The following USP15 variants were observed in gnomAD, a reference collection of about 807,000 sequenced individuals.
The protein encoded by USP15 is ubiquitin carboxyl-terminal hydrolase 15.
In USP15, 18 loss-of-function variants were observed where a neutral mutation model predicts 127.1. The observed-to-expected ratio is 0.14, with a 90% confidence interval of 0.10 to 0.21. USP15 has a LOEUF of 0.21. Ranked by LOEUF, USP15 falls within the 10% of genes least tolerant of loss-of-function variation. USP15 has a pLI of 1.00. For synonymous variants in USP15, 364 were observed against 393.7 expected (o/e 0.92, Z 0.89); for missense variants, 805 against 1,159.9 (o/e 0.69, Z 4.44).
At chr12:62,385,045 A>G (rs1055221042) in intron 11 of USP15, among the ~76,000 whole-genome samples, 1 of 151,894 alleles carries the variant, frequency 6.6e-6, no homozygotes, top group Non-Finnish European at 1.5e-5. Context: ...CCTAAATTCT[A>G]ACACTTAACT....
At chr12:62,388,117 A>ATTTTTTTTTTTTTTTTTTTTTTTT (rs58192089) in intron 11 of USP15, among the ~76,000 whole-genome samples, 5 of 106,586 alleles carry the variant, frequency 4.7e-5, no homozygotes, top group Non-Finnish European at 5.4e-5. Context: ...AATGGTGAAG[A>ATTTTTTTTTTTTTTTTTTTTTTTT]TTTTTTTTTT....
At chr12:62,389,084 C>CT (rs2067245521) in intron 11 of USP15, among the ~76,000 whole-genome samples, 1 of 150,388 alleles carries the variant, frequency 6.6e-6, no homozygotes, top group Non-Finnish European at 1.5e-5. Context: ...AAGATCATGC[C>CT]ACTGCACTCC....
chr12:62,376,694 A>G (rs1010232398), intron 8 of USP15, among the ~76,000 whole-genome samples: 4 of 152,158 alleles, frequency 2.6e-5, no homozygotes, highest in Admixed American at 6.5e-5. Context: ...ATATATTCTC[A>G]GTTTTTATTA....
rs2067829324 is a variant in USP15 at position 62,405,262 on chromosome 12, A to AC, written c.*887_*888insC. 1 of 152,156 alleles carries AC rather than the reference A, an allele frequency of 6.6e-6. No homozygotes were observed. The allele number at this position is 152,156 out of a possible 1,614,324, so 9.4% of individuals were successfully genotyped here. A position where few individuals can be genotyped will look rare whatever the true frequency, so the allele number is the denominator to read the frequency against. On this transcript the variant is annotated 3_prime_UTR_variant, in exon 22 of 22. Transcript: ENST00000280377. ...ATTATTGTAATATAAGGACAGACATAATAGTATTCTGTACCCATAGTAATA... is the reference window on the plus strand; with the variant it reads ...ATTATTGTAATATAAGGACAGACATACATAGTATTCTGTACCCATAGTAATA...
chr12:62,394,394 TAAAAC>T (rs2067417976), intron 19 of USP15, among the ~76,000 whole-genome samples: 1 of 152,210 alleles, frequency 6.6e-6, no homozygotes, highest in Non-Finnish European at 1.5e-5. Context: ...ATAGATTACA[TAAAAC>T]AAAATATTCA....
At chr12:62,311,487 G>A (rs2064677166) in intron 3 of USP15, among the ~76,000 whole-genome samples, 1 of 151,672 alleles carries the variant, frequency 6.6e-6, no homozygotes, top group Non-Finnish European at 1.5e-5. Context: ...TAATAATTGG[G>A]TATGAAAGTA....
At chr12:62,283,355 C>G (rs1185400104) in intron 1 of USP15, among the ~76,000 whole-genome samples, 3 of 152,078 alleles carry the variant, frequency 2.0e-5, no homozygotes, top group Non-Finnish European at 2.9e-5. Context: ...TTATCAAAAA[C>G]CTACAGCAAG....
intron 1 of USP15, among the ~76,000 whole-genome samples, chr12:62,261,451 C>T (rs1029656601): frequency 6.6e-6 from 1 of 152,140 alleles, no homozygotes; most frequent in Non-Finnish European, 1.5e-5. Context: ...TTTTCACTTT[C>T]CACTGTTACC....
intron 8 of USP15, among the ~76,000 whole-genome samples, chr12:62,367,298 C>T (rs1042575919): frequency 6.6e-6 from 1 of 151,924 alleles, no homozygotes; most frequent in South Asian, 2.1e-4. Context: ...GTGGCGTGAT[C>T]TCAGCTCACT....
At chr12:62,330,161 G>T (rs2065248119) in intron 6 of USP15, among the ~76,000 whole-genome samples, 1 of 152,092 alleles carries the variant, frequency 6.6e-6, no homozygotes, top group South Asian at 2.1e-4. Flanking sequence ...AAGGAAATCG[G>T]AGTAGAGATA....
intron 11 of USP15, 109 bp from the exon 12 acceptor site, chr12:62,389,322 A>G (rs2067250724): frequency 3.4e-6 from 3 of 882,646 alleles, no homozygotes; most frequent in Non-Finnish European, 5.1e-6. Flanking sequence ...GGAGACAAAC[A>G]CTAATCCAAA....
At chr12:62,309,662 A>G (rs912457761) in intron 3 of USP15, among the ~76,000 whole-genome samples, 3 of 152,070 alleles carry the variant, frequency 2.0e-5, no homozygotes, top group African/African-American at 7.2e-5. Flanking sequence ...CCTAAACACA[A>G]TGTTAGCAAG....
chr12:62,374,445 G>C (rs2066764216), intron 8 of USP15: 1 of 985,640 alleles, frequency 1.0e-6, no homozygotes, highest in Non-Finnish European at 1.2e-6. Flanking sequence ...TGGGCTTCTG[G>C]AGCACCTGAA....
chr12:62,326,803 G>T (rs1016353008), intron 6 of USP15, among the ~76,000 whole-genome samples: 6 of 152,086 alleles, frequency 3.9e-5, no homozygotes, highest in Non-Finnish European at 8.8e-5. Context: ...TTTTAACCAA[G>T]TGAATAAAAA....
intron 4 of USP15, 52 bp from the exon 5 acceptor site, chr12:62,321,412 G>C: frequency 8.6e-7 from 1 of 1,163,322 alleles, no homozygotes; most frequent in Non-Finnish European, 1.2e-6. Context: ...GCTGTATGTG[G>C]TATATTTTGA....
chr12:62,374,454 A>G, intron 8 of USP15: 3 of 985,752 alleles, frequency 3.0e-6, no homozygotes, highest in Non-Finnish European at 3.6e-6. Context: ...GGAGCACCTG[A>G]ACAGAAAGGG....
At chr12:62,269,103 A>T (rs960281879) in intron 1 of USP15, among the ~76,000 whole-genome samples, 2 of 152,126 alleles carry the variant, frequency 1.3e-5, no homozygotes, top group Non-Finnish European at 2.9e-5. Context: ...CTGCTGAATG[A>T]TACAGTCATG....
intron 6 of USP15, among the ~76,000 whole-genome samples, chr12:62,330,316 CAG>C (rs2065252464): frequency 6.6e-6 from 1 of 150,982 alleles, no homozygotes; most frequent in South Asian, 2.1e-4. Context: ...GGGCTGGGCA[CAG>C]TGGCTCATGC....
chr12:62,276,611 C>T (rs2063497535), intron 1 of USP15, among the ~76,000 whole-genome samples: 1 of 151,928 alleles, frequency 6.6e-6, no homozygotes, highest in South Asian at 2.1e-4. Flanking sequence ...GGCTTATTCA[C>T]TGGTTGCTCT....
Sources: allele counts gnomAD v4.1 joint callset (sites outside exome capture counted in the v4.1 genomes callset), GRCh38; gene constraint gnomAD v4.1.1; transcripts MANE v1.5; gene names NCBI Gene and HGNC (gene_info 2026-07-23, HGNC 2026-07-21).